The following NFASC variants were observed in gnomAD, a reference collection of about 807,000 sequenced individuals.
The protein encoded by NFASC is neurofascin homolog.
In NFASC, 43 loss-of-function variants were observed where a neutral mutation model predicts 147.5. The ratio of observed to expected loss-of-function variants is 0.29; its 90% CI spans 0.23 to 0.38. The LOEUF (loss-of-function observed/expected upper bound fraction) is 0.38, where lower values mean the gene tolerates loss of function less well. Among genes scored for constraint, NFASC ranks in the 10% least tolerant of loss-of-function variants. The pLI, the probability that NFASC is intolerant of heterozygous loss-of-function variation, is 1.00. For missense variants in NFASC, 1,320 were observed against 1,689.0 expected (o/e 0.78, Z 3.83); for synonymous variants, 622 against 665.5 (o/e 0.93, Z 1.01).
chr1:204,974,504 T>G, intron 13 of NFASC, 153 bp from the exon 14 acceptor site: 4 of 965,620 alleles, frequency 4.1e-6, no homozygotes, highest in South Asian at 1.3e-5. Context: ...GGCCACCTGG[T>G]GGCTAGAGGC....
intron 1 of NFASC, among the ~76,000 whole-genome samples, chr1:204,829,234 A>G (rs1327222040): frequency 7.1e-6 from 1 of 141,068 alleles, no homozygotes; most frequent in Non-Finnish European, 1.5e-5. Flanking sequence ...TCATGCCCCT[A>G]CCAGTTGGTG....
intron 19 of NFASC, among the ~76,000 whole-genome samples, 159 bp from the exon 20 acceptor site, chr1:204,980,211 A>G (rs75095845): frequency 0.012 from 1,823 of 152,342 alleles, 30 homozygotes; most frequent in African/African-American, 0.042. Flanking sequence ...CACATCATGC[A>G]CAGAGTAAGC....
intron 1 of NFASC, among the ~76,000 whole-genome samples, chr1:204,863,616 G>A (rs1333125626): frequency 1.3e-5 from 2 of 152,096 alleles, no homozygotes; most frequent in African/African-American, 2.4e-5. Context: ...TTGGAAGGCC[G>A]AGGGGGGTGG....
chr1:204,994,561 G>A (rs1270320801), intron 24 of NFASC, among the ~76,000 whole-genome samples: 1 of 152,210 alleles, frequency 6.6e-6, no homozygotes, highest in Non-Finnish European at 1.5e-5. Flanking sequence ...TGGGGCCTGG[G>A]AAATGTAGCA....
chr1:204,916,523 C>T (rs73079684), intron 1 of NFASC, among the ~76,000 whole-genome samples: 151 of 152,176 alleles, frequency 9.9e-4, no homozygotes, highest in African/African-American at 3.5e-3. Context: ...AATATTTGTA[C>T]GAAGATTTTG....
chr1:204,923,138 T>C (rs544539422), intron 2 of NFASC, among the ~76,000 whole-genome samples: 1 of 152,330 alleles, frequency 6.6e-6, no homozygotes, highest in Admixed American at 6.5e-5. Flanking sequence ...GCTGTGTATT[T>C]AGGGTGGCTC....
rs1558549476 is a variant in NFASC at position 204,877,039 on chromosome 1, A to AATATATATT, written c.-199-43593_-199-43592insATATATATT. Among the ~76,000 whole-genome samples the AATATATATT allele has an allele frequency of 3.0e-4, 30 of 100,516 alleles. 1 individual carries two copies. Among genetic ancestry groups the AATATATATT allele is most frequent in the African/African-American group, 1.3e-3 (21 of 16,286 alleles). 65.9% of individuals were successfully genotyped at this position (100,516 alleles called of 152,430 possible). On this transcript the variant is annotated intron_variant, in intron 1 of 29. Transcript: ENST00000339876. ...ATATATATATATATAATATATATTT[A>AATATATATT]TATATATATAATATATTTATTTATA...
chr1:204,970,499 G>A (rs990340299), intron 10 of NFASC, 117 bp from the exon 11 acceptor site: 8 of 1,188,734 alleles, frequency 6.7e-6, no homozygotes, highest in Non-Finnish European at 8.5e-6. Context: ...GGGGCAGGTG[G>A]TGAGCACGTG....
intron 1 of NFASC, among the ~76,000 whole-genome samples, chr1:204,914,370 A>G (rs2088604080): frequency 6.6e-6 from 1 of 152,120 alleles, no homozygotes; most frequent in Admixed American, 6.5e-5. Flanking sequence ...ACAAGATCTG[A>G]TGGTTTTTTA....
At chr1:204,836,181 T>C (rs1276831325) in intron 1 of NFASC, among the ~76,000 whole-genome samples, 3 of 152,172 alleles carry the variant, frequency 2.0e-5, no homozygotes, top group Admixed American at 2.0e-4. Flanking sequence ...TGTGTGTGTG[T>C]GGTGCCTATG....
chr1:204,994,724 C>A (rs2095810096), intron 24 of NFASC, among the ~76,000 whole-genome samples: 1 of 152,104 alleles, frequency 6.6e-6, no homozygotes, highest in African/African-American at 2.4e-5. Flanking sequence ...GGCTTGATCT[C>A]GGCTCACTGC....
At chr1:204,936,644 G>A (rs1317382757) in intron 2 of NFASC, among the ~76,000 whole-genome samples, 3 of 152,174 alleles carry the variant, frequency 2.0e-5, no homozygotes, top group South Asian at 2.1e-4. Context: ...GCAGGCTGAG[G>A]GCTGGCCTCA....
intron 2 of NFASC, among the ~76,000 whole-genome samples, chr1:204,927,588 C>A (rs999326014): frequency 2.0e-5 from 3 of 152,124 alleles, no homozygotes; most frequent in African/African-American, 7.2e-5. Flanking sequence ...TTATACTCTA[C>A]AAAAGTATAC....
At position 205,010,520 on chromosome 1, in the gene NFASC, G is replaced by A. The variant is rs1171683444; in HGVS notation, c.3421+832G>A. On this transcript the variant is annotated intron_variant, in intron 28 of 29. Transcript: ENST00000339876. The surrounding 1 kb of genome is among the most constrained non-coding windows in gnomAD (Gnocchi z 4.1). ...GGTGGGAGGATTACCTGAGCCTGGA[G>A]AGGTCAAGGCTGCCATGAGGCGTGA... 1.3e-5 allele frequency: 2 copies of A among 152,250 alleles called. No homozygotes were observed. Among genetic ancestry groups the A allele is most frequent in the Non-Finnish European group, 2.9e-5 (2 of 68,086 alleles). The allele number at this position is 152,250 out of a possible 1,614,324, so 9.4% of individuals were successfully genotyped here. A position where few individuals can be genotyped will look rare whatever the true frequency, so the allele number is the denominator to read the frequency against.
At chr1:204,843,105 A>G (rs893351949) in intron 1 of NFASC, among the ~76,000 whole-genome samples, 14 of 152,148 alleles carry the variant, frequency 9.2e-5, no homozygotes, top group Admixed American at 5.9e-4. Context: ...GAGCTTTTAT[A>G]TGGCACCATA....
At chr1:204,937,171 T>C (rs1182051502) in intron 2 of NFASC, among the ~76,000 whole-genome samples, 1 of 151,872 alleles carries the variant, frequency 6.6e-6, no homozygotes, top group African/African-American at 2.4e-5. Flanking sequence ...AAAACACTTC[T>C]AGAGCAGTTT....
intron 1 of NFASC, among the ~76,000 whole-genome samples, chr1:204,918,250 G>T (rs544836131): frequency 2.0e-5 from 3 of 152,216 alleles, no homozygotes; most frequent in African/African-American, 7.2e-5. Flanking sequence ...TATCTTTGTG[G>T]TACATCTATC....
chr1:204,921,478 C>T (rs982155296), intron 2 of NFASC, among the ~76,000 whole-genome samples: 7 of 152,168 alleles, frequency 4.6e-5, no homozygotes, highest in Middle Eastern at 3.2e-3. Flanking sequence ...TCTACCTCAT[C>T]GAAGGTGTCT....
chr1:204,839,908 T>A (rs1674808272), intron 1 of NFASC, among the ~76,000 whole-genome samples: 1 of 152,136 alleles, frequency 6.6e-6, no homozygotes, highest in Non-Finnish European at 1.5e-5. Context: ...CTTGGTGATG[T>A]GGCTCCCCAT....
Sources: gnomAD v4.1 joint callset for allele counts (sites outside exome capture counted in the v4.1 genomes callset) on GRCh38, gnomAD v4.1.1 for gene constraint, Gnocchi (gnomAD v3.1) non-coding constraint, MANE v1.5 for transcripts, NCBI Gene and HGNC (gene_info 2026-07-23, HGNC 2026-07-21) for gene names.